Variants in CTNNA3 observed in about 807,000 individuals in gnomAD.
CTNNA3 encodes the protein catenin alpha 3.
Under a neutral mutation model 95.7 loss-of-function variants are expected in CTNNA3, and 76 were observed. That is an observed-to-expected ratio of 0.79 (90% CI 0.66 to 0.96). The LOEUF (loss-of-function observed/expected upper bound fraction) is 0.96, where lower values mean the gene tolerates loss of function less well. Among genes scored for constraint, CTNNA3 ranks in the 40% least tolerant of loss-of-function variants. The pLI, the probability that CTNNA3 is intolerant of heterozygous loss-of-function variation, is 0.00. For synonymous variants in CTNNA3, 431 were observed against 374.4 expected, an observed-to-expected ratio of 1.15 and a Z score of -1.74; for missense variants, 1,191 against 1,089.8, an observed-to-expected ratio of 1.09 and a Z score of -1.31.
intron 10 of CTNNA3, among the ~76,000 whole-genome samples, chr10:66,563,774 C>T (rs1842623926): frequency 6.6e-6 from 1 of 152,080 alleles, no homozygotes; most frequent in Admixed American, 6.6e-5. Context: ...TGATTGCTTC[C>T]TTTGCCCTAT....
intron 13 of CTNNA3, among the ~76,000 whole-genome samples, chr10:66,206,210 C>T (rs1442466645): frequency 6.6e-6 from 1 of 151,778 alleles, no homozygotes; most frequent in Non-Finnish European, 1.5e-5. Flanking sequence ...TAGCGATAAC[C>T]TATATGCATT....
chr10:66,711,319 C>T (rs1848287373), intron 9 of CTNNA3, among the ~76,000 whole-genome samples: 1 of 148,192 alleles, frequency 6.7e-6, no homozygotes, highest in African/African-American at 2.5e-5. Flanking sequence ...CTCATCATGA[C>T]CTTTAGCTTC....
intron 7 of CTNNA3, among the ~76,000 whole-genome samples, chr10:66,918,480 C>G (rs1445951511): frequency 6.6e-6 from 1 of 152,110 alleles, no homozygotes; most frequent in African/African-American, 2.4e-5. Flanking sequence ...GCTGGATATT[C>G]TGCTCAAATT....
At chr10:67,046,572 A>G (rs181903748) in intron 7 of CTNNA3, among the ~76,000 whole-genome samples, 1 of 152,316 alleles carries the variant, frequency 6.6e-6, no homozygotes, top group Non-Finnish European at 1.5e-5. Context: ...CTCAGAATCA[A>G]TTATTGACAT....
intron 6 of CTNNA3, among the ~76,000 whole-genome samples, chr10:67,213,550 T>C (rs2132248223): frequency 6.6e-6 from 1 of 151,982 alleles, no homozygotes; most frequent in East Asian, 1.9e-4. Flanking sequence ...TCCAGCTTTC[T>C]TCTTTCCTAA....
intron 17 of CTNNA3, among the ~76,000 whole-genome samples, chr10:65,953,865 T>C (rs1211313079): frequency 2.6e-5 from 4 of 152,214 alleles, no homozygotes; most frequent in Admixed American, 1.3e-4. Context: ...TGTGTCTTTA[T>C]AGCAGCATGA....
At chr10:67,185,431 T>A (rs116382638) in intron 6 of CTNNA3, among the ~76,000 whole-genome samples, 3,542 of 152,178 alleles carry the variant, frequency 0.023, 116 homozygotes, top group African/African-American at 0.074. Context: ...CGGCCTTTTT[T>A]TCCTTTTTTT....
At chr10:67,215,236 G>C (rs967767691) in intron 6 of CTNNA3, among the ~76,000 whole-genome samples, 2 of 151,852 alleles carry the variant, frequency 1.3e-5, no homozygotes, top group African/African-American at 4.8e-5. Context: ...AGATAGCTCT[G>C]CCTGGTCAAT....
At chr10:66,556,101 G>C (rs1160042335) in intron 10 of CTNNA3, among the ~76,000 whole-genome samples, 1 of 152,010 alleles carries the variant, frequency 6.6e-6, no homozygotes, top group South Asian at 2.1e-4. Flanking sequence ...GCCACCAGGT[G>C]TATGGAAAGG....
intron 11 of CTNNA3, among the ~76,000 whole-genome samples, chr10:66,467,397 G>C (rs144853410): frequency 8.4e-4 from 128 of 152,104 alleles, no homozygotes; most frequent in African/African-American, 3.0e-3. Context: ...ACTGATTTTT[G>C]TGCAGATATC....
intron 11 of CTNNA3, among the ~76,000 whole-genome samples, chr10:66,388,941 C>T (rs2092914581): frequency 6.6e-6 from 1 of 152,132 alleles, no homozygotes; most frequent in Non-Finnish European, 1.5e-5. Flanking sequence ...GTACCTCCCA[C>T]ATATGCACAA....
chr10:67,719,543 T>C (rs930351481), intron 1 of CTNNA3, among the ~76,000 whole-genome samples: 1 of 152,218 alleles, frequency 6.6e-6, no homozygotes, highest in Admixed American at 6.5e-5. Flanking sequence ...ATTTCTGCCT[T>C]AATTTTGTTA....
intron 13 of CTNNA3, among the ~76,000 whole-genome samples, chr10:66,115,505 A>C (rs990697720): frequency 2.0e-5 from 3 of 149,314 alleles, no homozygotes; most frequent in Non-Finnish European, 2.9e-5. Context: ...CCAATGGGGA[A>C]TATAGATAGA....
chr10:67,003,243 C>T (rs569443180), intron 7 of CTNNA3, among the ~76,000 whole-genome samples: 96 of 152,232 alleles, frequency 6.3e-4, no homozygotes, highest in African/African-American at 2.1e-3. Context: ...GGGGAATAAA[C>T]GAAATTAATG....
chr10:66,032,868 G>A lies in CTNNA3; in HGVS notation c.2159+36440C>T, dbSNP rs190901001. Among the ~76,000 whole-genome samples the A allele has an allele frequency of 5.0e-3, 761 of 152,196 alleles. 9 individuals carry two copies. Among genetic ancestry groups the A allele is most frequent in the African/African-American group, 0.018 (731 of 41,514 alleles). On this transcript the variant is annotated intron_variant, in intron 15 of 17. Transcript: ENST00000433211. ...TCTTCACAATGGCCTGGTGTAGTTG[G>A]TGGTATTCAATTTCTAATTTACAGG...
At chr10:67,255,575 C>A (rs1866315180) in intron 5 of CTNNA3, among the ~76,000 whole-genome samples, 1 of 152,054 alleles carries the variant, frequency 6.6e-6, no homozygotes, top group African/African-American at 2.4e-5. Flanking sequence ...CTTCTAATAA[C>A]CCTATGAAGC....
intron 9 of CTNNA3, among the ~76,000 whole-genome samples, chr10:66,727,785 A>G (rs1331386053): frequency 1.3e-5 from 2 of 152,184 alleles, no homozygotes; most frequent in Non-Finnish European, 2.9e-5. Flanking sequence ...TGAAACCAAT[A>G]GCCCAGTTGT....
intron 12 of CTNNA3, among the ~76,000 whole-genome samples, chr10:66,327,021 T>A (rs972468308): frequency 6.6e-6 from 1 of 152,186 alleles, no homozygotes; most frequent in East Asian, 1.9e-4. Flanking sequence ...AAAATACAAC[T>A]GCATGCTCAC....
Position 66,942,902 on chromosome 10 carries a change from T to G in CTNNA3, c.1048-167378A>C, listed in dbSNP as rs543519123. On this transcript the variant is annotated intron_variant, in intron 7 of 17. Coordinates refer to ENST00000433211, the MANE Select transcript of CTNNA3 (RefSeq NM_013266.4). The stretch of plus-strand genomic sequence containing the variant: ...GATGGCTAAATTAAGCAAAAGCAAA[T>G]TAATCAAAGAGTTACAAAGGAAGAA... Among the ~76,000 whole-genome samples, 7 of 152,238 alleles carry G rather than the reference T, an allele frequency of 4.6e-5. No individual in the cohort carries two copies. The South Asian group carries it at 1.4e-3, about 32-fold the overall frequency.
Sources: gnomAD v4.1 joint callset for allele counts (sites outside exome capture counted in the v4.1 genomes callset) on GRCh38, gnomAD v4.1.1 for gene constraint, MANE v1.5 for transcripts, NCBI Gene and HGNC (gene_info 2026-07-23, HGNC 2026-07-21) for gene names.